The following RBFOX2 variants were observed in gnomAD, a reference collection of about 807,000 sequenced individuals.
The protein encoded by RBFOX2 is RNA binding fox-1 homolog 2, also known as RNA binding protein fox-1 homolog 2.
Under a neutral mutation model 49.1 loss-of-function variants are expected in RBFOX2, and 10 were observed. The observed-to-expected ratio is 0.20, with a 90% CI of 0.13 to 0.35. The LOEUF (loss-of-function observed/expected upper bound fraction) is 0.35. RBFOX2 is among the 10% of genes least tolerant of loss of function. RBFOX2 has a pLI of 1.00. For synonymous variants in RBFOX2, 183 were observed against 187.4 expected, an observed-to-expected ratio of 0.98 and a Z score of 0.19; for missense variants, 323 against 486.9, an observed-to-expected ratio of 0.66 and a Z score of 3.17.
At chr22:35,987,036 T>C (rs925090054) in intron 1 of RBFOX2, among the ~76,000 whole-genome samples, 1 of 152,144 alleles carries the variant, frequency 6.6e-6, no homozygotes, top group Non-Finnish European at 1.5e-5. Context: ...TGTTTTCATG[T>C]ATCTTTATGA....
At chr22:35,771,997 A>G (rs1030963079) in intron 4 of RBFOX2, among the ~76,000 whole-genome samples, 11 of 152,170 alleles carry the variant, frequency 7.2e-5, no homozygotes, top group African/African-American at 2.4e-4. Context: ...GTCTAAATCT[A>G]AAGTATTTTC....
intron 1 of RBFOX2, among the ~76,000 whole-genome samples, chr22:35,834,427 C>T (rs939234284): frequency 2.6e-5 from 4 of 152,132 alleles, no homozygotes; most frequent in African/African-American, 2.4e-5. Flanking sequence ...AGACTGCTGA[C>T]GAGGATCCTG....
At chr22:35,788,097 TTTTC>T (rs1353421544) in intron 2 of RBFOX2, among the ~76,000 whole-genome samples, 1 of 152,214 alleles carries the variant, frequency 6.6e-6, no homozygotes, top group Non-Finnish European at 1.5e-5. Flanking sequence ...ACTACAAATG[TTTTC>T]TTTTTTTGAT....
chr22:35,967,254 CTTT>C (rs770873286), intron 1 of RBFOX2, among the ~76,000 whole-genome samples: 9 of 152,106 alleles, frequency 5.9e-5, no homozygotes, highest in Non-Finnish European at 1.0e-4. Flanking sequence ...AAACATTCTT[CTTT>C]GTTTTCTTTT....
chr22:35,899,182 A>T (rs1385790974), intron 1 of RBFOX2, among the ~76,000 whole-genome samples: 2 of 115,722 alleles, frequency 1.7e-5, no homozygotes, highest in Non-Finnish European at 3.6e-5. Context: ...CATAACAAAC[A>T]TAAAAAATAA....
In RBFOX2 at chr22:35,909,787, T is replaced by C. The variant is rs560952970; in HGVS notation, c.-34+29060A>G. On this transcript the variant is annotated intron_variant, in intron 1 of 13. Transcript: ENST00000359369. Reference sequence around the variant, plus strand: ...CCACCATGCCCGGTTAATGTTTTTGTATTTTTAGTAGAGACAGGTTTCGCC... The same window carrying C: ...CCACCATGCCCGGTTAATGTTTTTGCATTTTTAGTAGAGACAGGTTTCGCC... Among the ~76,000 whole-genome samples, 12 of 152,354 alleles carry C rather than the reference T, an allele frequency of 7.9e-5. No homozygotes were observed. The South Asian group carries it at 2.5e-3, about 32-fold the overall frequency.
At chr22:35,991,965 A>C (rs1050657227) in intron 1 of RBFOX2, among the ~76,000 whole-genome samples, 1 of 152,212 alleles carries the variant, frequency 6.6e-6, no homozygotes, top group African/African-American at 2.4e-5. Flanking sequence ...GCAATATCTC[A>C]TTAGTTCTCA....
chr22:35,821,556 T>C (rs1213623178), intron 1 of RBFOX2, among the ~76,000 whole-genome samples: 1 of 128,214 alleles, frequency 7.8e-6, no homozygotes, highest in African/African-American at 2.9e-5. Context: ...GAGCCGAGAT[T>C]GCGCCACTGC....
At chr22:35,961,415 T>C (rs566912713) in intron 1 of RBFOX2, 1,177 of 811,614 alleles carry the variant, frequency 1.5e-3, no homozygotes, top group Middle Eastern at 5.4e-3. Flanking sequence ...CCAGATTTTT[T>C]TTTAAATCAG....
At chr22:35,787,585 C>T (rs897794741) in intron 2 of RBFOX2, among the ~76,000 whole-genome samples, 1 of 152,162 alleles carries the variant, frequency 6.6e-6, no homozygotes, top group Non-Finnish European at 1.5e-5. Context: ...GACATTCTCA[C>T]TTTAAATTTA....
chr22:35,880,790 G>T (rs2045774719), intron 1 of RBFOX2, among the ~76,000 whole-genome samples: 1 of 148,296 alleles, frequency 6.7e-6, no homozygotes, highest in African/African-American at 2.5e-5. Context: ...TGACTTTTCA[G>T]CAACTTTTAC....
intron 4 of RBFOX2, among the ~76,000 whole-genome samples, chr22:35,772,702 T>C (rs532991949): frequency 4.1e-4 from 63 of 152,250 alleles, no homozygotes; most frequent in Non-Finnish European, 7.4e-4. Flanking sequence ...GAATGGTGTA[T>C]TTATTAGGTG....
chr22:35,768,203 GAA>G (rs1941606982), intron 5 of RBFOX2, 52 bp downstream of exon 6: 1 of 1,577,568 alleles, frequency 6.3e-7, no homozygotes, highest in African/African-American at 1.4e-5. Context: ...GAGGCAACAC[GAA>G]AAAAGAGAAA....
Position 35,824,974 on chromosome 22 carries a change from C to T in RBFOX2, c.28-14970G>A, listed in dbSNP as rs542616527. On this transcript the variant is annotated intron_variant, in intron 1 of 11. Coordinates refer to ENST00000405409, the Ensembl canonical transcript of RBFOX2. The stretch of plus-strand genomic sequence containing the variant: ...GTGGCTCCCACCTGTAATCCCAGCA[C>T]TTTGGGAGGCCGAGGCGGGTGGATC... Among the ~76,000 whole-genome samples, 272 of 152,316 alleles carry T rather than the reference C, an allele frequency of 1.8e-3. 2 individuals carry two copies. Among genetic ancestry groups the T allele is most frequent in the South Asian group, 0.017 (81 of 4,826 alleles).
chr22:36,025,560 C>G (rs1349500425), intron 1 of RBFOX2, among the ~76,000 whole-genome samples: 1 of 152,134 alleles, frequency 6.6e-6, no homozygotes, highest in African/African-American at 2.4e-5. Flanking sequence ...TGGGATGTAG[C>G]AGCTGCTTAA....
At chr22:35,871,345 G>A (rs775606955) in intron 1 of RBFOX2, among the ~76,000 whole-genome samples, 17 of 152,176 alleles carry the variant, frequency 1.1e-4, no homozygotes, top group Non-Finnish European at 1.6e-4. Context: ...CTGATGGTCC[G>A]AAGCAGAAGG....
At chr22:35,875,023 T>C (rs1390177314) in intron 1 of RBFOX2, among the ~76,000 whole-genome samples, 8 of 152,176 alleles carry the variant, frequency 5.3e-5, no homozygotes, top group Admixed American at 5.2e-4. Flanking sequence ...CTCCTGTCCC[T>C]ATGCACAAAG....
intron 9 of RBFOX2, among the ~76,000 whole-genome samples, chr22:35,752,970 A>T (rs544725025): frequency 4.5e-4 from 69 of 152,334 alleles, no homozygotes; most frequent in African/African-American, 1.6e-3. Flanking sequence ...TCCAGAGAGG[A>T]ATGTGCCATA....
intron 6 of RBFOX2, among the ~76,000 whole-genome samples, chr22:35,763,994 C>T (rs1279908309): frequency 4.6e-5 from 7 of 151,178 alleles, no homozygotes; most frequent in Non-Finnish European, 1.5e-5. Flanking sequence ...ACATTCTTTG[C>T]CTCTCCTTTC....
Sources: allele counts gnomAD v4.1 joint callset (sites outside exome capture counted in the v4.1 genomes callset), GRCh38; gene constraint gnomAD v4.1.1; transcripts MANE v1.5; gene names NCBI Gene and HGNC (gene_info 2026-07-23, HGNC 2026-07-21).